The following WNT7A variants were observed in gnomAD, a reference collection of about 807,000 sequenced individuals.
WNT7A encodes protein Wnt-7a.
Under a neutral mutation model 28.2 loss-of-function variants are expected in WNT7A, and 16 were observed. The observed-to-expected ratio is 0.57, with a 90% confidence interval of 0.38 to 0.86. WNT7A has a LOEUF of 0.86. Ranked by LOEUF, WNT7A falls within the 40% of genes least tolerant of loss-of-function variation. The pLI, the probability that WNT7A is intolerant of heterozygous loss-of-function variation, is 0.00. For missense variants in WNT7A, 411 were observed against 489.7 expected (o/e 0.84, Z 1.52); for synonymous variants, 190 against 195.9 (o/e 0.97, Z 0.25).
rs1446340169 is a variant in WNT7A, at chr3:13,879,891, A to G, written c.-75T>C. On this transcript the variant is annotated 5_prime_UTR_variant, in exon 1 of 4. The change abolishes an upstream ATG in the 5' untranslated region. Coordinates refer to ENST00000285018, the MANE Select transcript of WNT7A (RefSeq NM_004625.4). ...GGCCGGCCCCGGCGGGGCAATCAACATAGCCCGCCCGGGAGGCGCGAGCCG... is the reference window on the plus strand; with the variant it reads ...GGCCGGCCCCGGCGGGGCAATCAACGTAGCCCGCCCGGGAGGCGCGAGCCG... 1.6e-6 allele frequency: 2 copies of G among 1,250,108 alleles called. No homozygotes were observed. Among genetic ancestry groups the G allele is most frequent in the African/African-American group, 1.6e-5 (1 of 63,406 alleles). The allele number at this position is 1,250,108 out of a possible 1,614,324, so 77.4% of individuals were successfully genotyped here.
chr3:13,821,090 C>A (rs1694102240), intron 3 of WNT7A, among the ~76,000 whole-genome samples: 1 of 152,224 alleles, frequency 6.6e-6, no homozygotes, highest in Non-Finnish European at 1.5e-5. Context: ...GGGGATAGTT[C>A]CCAAATCTCC....
intron 1 of WNT7A, among the ~76,000 whole-genome samples, chr3:13,878,485 C>T (rs1017597255): frequency 1.3e-5 from 2 of 152,146 alleles, no homozygotes; most frequent in South Asian, 2.1e-4. Flanking sequence ...GGCAGGCTGG[C>T]GGTACTGGCG....
intron 3 of WNT7A, among the ~76,000 whole-genome samples, chr3:13,850,733 A>G (rs1694620068): frequency 6.6e-6 from 1 of 151,882 alleles, no homozygotes; most frequent in Non-Finnish European, 1.5e-5. Flanking sequence ...TCTGTACAGT[A>G]AGGACTCGAA....
intron 3 of WNT7A, among the ~76,000 whole-genome samples, chr3:13,824,848 T>A (rs1434636492): frequency 6.6e-6 from 1 of 152,170 alleles, no homozygotes; most frequent in African/African-American, 2.4e-5. Flanking sequence ...ACAGGGACCT[T>A]ATCTGAAATA....
chr3:13,856,963 A>AAGAAGAAGAAGGAGAAGG (rs1559303383), intron 2 of WNT7A, among the ~76,000 whole-genome samples: 8 of 115,296 alleles, frequency 6.9e-5, no homozygotes, highest in Non-Finnish European at 1.2e-4. Flanking sequence ...GAAGAAGAAG[A>AAGAAGAAGAAGGAGAAGG]AGAAGGAGAA....
intron 3 of WNT7A, among the ~76,000 whole-genome samples, chr3:13,840,596 T>TCATCCATCCATCCATCCATC (rs113782895): frequency 1.3e-5 from 2 of 150,092 alleles, no homozygotes; most frequent in Non-Finnish European, 1.5e-5. Context: ...AGCTATTCAT[T>TCATCCATCCATCCATCCATC]CATCCATCCA....
chr3:13,854,791 G>C lies in WNT7A; in HGVS notation c.311C>G (p.Ala104Gly). The C allele has an allele frequency of 6.2e-7, 1 of 1,612,816 alleles. No homozygotes were observed. The highest frequency in any genetic ancestry group is 8.5e-7 in the Non-Finnish European group (1 of 1,180,038). The change falls in exon 3 of 4, where the codon GCT (alanine) becomes GGT (glycine). Residue 104 changes from alanine (A) to glycine (G), a missense_variant. Physicochemically the swap from Ala to Gly is moderately conservative, Grantham distance 60 (BLOSUM62 0). Coordinates refer to ENST00000285018, the MANE Select transcript of WNT7A (RefSeq NM_004625.4). ...GGCAATGATGGCGTAGGTGAACGCAGCCTCCCGGCTCCCTGCGAGGAGGAG... is the reference window on the plus strand; with the variant it reads ...GGCAATGATGGCGTAGGTGAACGCACCCTCCCGGCTCCCTGCGAGGAGGAG... ...GKELKVGSRE[A>G]AFTYAIIAAG... is the part of the protein sequence containing the mutation.
chr3:13,856,945 A>AAGGAGAAGGAGAAGGAGAAGGAGAAGG (rs1694749589), intron 2 of WNT7A, among the ~76,000 whole-genome samples: 4 of 114,434 alleles, frequency 3.5e-5, no homozygotes, highest in African/African-American at 1.7e-4. Flanking sequence ...GAAGAAGAAG[A>AAGGAGAAGGAGAAGGAGAAGGAGAAGG]AGAAGAAGAA....
At chr3:13,820,728 C>G (rs1575057908) in intron 3 of WNT7A, among the ~76,000 whole-genome samples, 3 of 152,246 alleles carry the variant, frequency 2.0e-5, no homozygotes, top group Admixed American at 2.0e-4. Context: ...GAATTGGGTC[C>G]ATGTTCAGGG....
At chr3:13,824,163 AG>A (rs1227760835) in intron 3 of WNT7A, among the ~76,000 whole-genome samples, 2 of 152,212 alleles carry the variant, frequency 1.3e-5, no homozygotes, top group Admixed American at 1.3e-4. Context: ...TAGTATATTC[AG>A]AATTGTACCA....
intron 3 of WNT7A, among the ~76,000 whole-genome samples, chr3:13,819,699 A>G (rs1694080861): frequency 6.6e-6 from 1 of 152,218 alleles, no homozygotes; most frequent in African/African-American, 2.4e-5. Context: ...ATGCAATACT[A>G]TACAGCAAGG....
rs182884645 is a variant in WNT7A at position 13,817,672 on chromosome 3, G to T, written c.*1272C>A. On this transcript the variant is annotated 3_prime_UTR_variant, in exon 4 of 4. Coordinates refer to ENST00000285018, the MANE Select transcript of WNT7A (RefSeq NM_004625.4). The stretch of plus-strand genomic sequence containing the variant: ...TCGGCCCCTCACCCCATCTGCTTTG[G>T]GTCACCTCACCTGAGGACTACATCT... 628 of 152,484 alleles carry T rather than the reference G, an allele frequency of 4.1e-3. 9 individuals carry two copies. Among genetic ancestry groups the T allele is most frequent in the Non-Finnish European group, 7.1e-3 (484 of 68,236 alleles). The allele number at this position is 152,484 out of a possible 1,614,324, so 9.4% of individuals were successfully genotyped here.
At chr3:13,843,964 T>C (rs1170451407) in intron 3 of WNT7A, among the ~76,000 whole-genome samples, 1 of 152,172 alleles carries the variant, frequency 6.6e-6, no homozygotes, top group East Asian at 1.9e-4. Context: ...CAGGCTGGTC[T>C]CAAACTCCTG....
intron 2 of WNT7A, 26 bp from the exon 3 acceptor site, chr3:13,854,829 A>T (rs1390504891): frequency 6.2e-7 from 1 of 1,610,220 alleles, no homozygotes; most frequent in African/African-American, 1.3e-5. Flanking sequence ...AAGAGGAGAC[A>T]AGTTGGGGTC....
rs112176580 is a variant in WNT7A at position 13,832,569 on chromosome 3, G to A, written c.571-13146C>T. 5.3e-5 allele frequency among the ~76,000 whole-genome samples: 8 copies of A among 151,776 alleles called. 1 individual carries two copies. The highest frequency in any genetic ancestry group is 1.7e-4 in the African/African-American group (7 of 41,368). The stretch of plus-strand genomic sequence containing the variant: ...TGCTCCTCCTCTCCCTCCCCATGTC[G>A]ATCCATCTTAGCAGAAAGCTGCATT... On this transcript the variant is annotated intron_variant, in intron 3 of 3. Transcript: ENST00000285018.
intron 3 of WNT7A, among the ~76,000 whole-genome samples, chr3:13,850,764 A>T (rs1694620619): frequency 6.6e-6 from 1 of 152,012 alleles, no homozygotes; most frequent in Non-Finnish European, 1.5e-5. Flanking sequence ...GCCAGGTACA[A>T]TATTATCATG....
intron 1 of WNT7A, among the ~76,000 whole-genome samples, chr3:13,876,248 T>A (rs1324513565): frequency 6.6e-6 from 1 of 152,082 alleles, no homozygotes; most frequent in East Asian, 1.9e-4. Context: ...AAGTTCGGGG[T>A]CTTCAAGGAA....
chr3:13,857,069 A>AG (rs549099275), intron 2 of WNT7A, among the ~76,000 whole-genome samples: 53 of 152,314 alleles, frequency 3.5e-4, no homozygotes, highest in Non-Finnish European at 6.5e-4. Context: ...CAGCAAGGAC[A>AG]GGGGAGCCAT....
intron 3 of WNT7A, among the ~76,000 whole-genome samples, chr3:13,853,063 G>T (rs1289025886): frequency 6.8e-6 from 1 of 148,100 alleles, no homozygotes; most frequent in Admixed American, 6.7e-5. Context: ...CCCACTCAAA[G>T]TAGCCCTCTG....
Sources: gnomAD v4.1 joint callset for allele counts (sites outside exome capture counted in the v4.1 genomes callset) on GRCh38, gnomAD v4.1.1 for gene constraint, MANE v1.5 for transcripts, NCBI Gene and HGNC (gene_info 2026-07-23, HGNC 2026-07-21) for gene names.